Variants in ESR1 observed in about 807,000 individuals in gnomAD.
ESR1 encodes estrogen receptor 1, also known as estrogen receptor.
ESR1 carries 12 observed loss-of-function variants against 52.7 expected under a neutral mutation model. The observed-to-expected ratio is 0.23, with a 90% CI of 0.15 to 0.37. The LOEUF (loss-of-function observed/expected upper bound fraction) is 0.37, where lower values mean the gene tolerates loss of function less well. ESR1 is among the 10% of genes least tolerant of loss of function. ESR1 has a pLI of 1.00. For synonymous variants in ESR1, 305 were observed against 316.8 expected (o/e 0.96, Z 0.39); for missense variants, 584 against 779.7 (o/e 0.75, Z 2.99).
chr6:151,750,240 C>T (rs947656615), intron 2 of ESR1, among the ~76,000 whole-genome samples: 2 of 152,122 alleles, frequency 1.3e-5, no homozygotes, highest in Non-Finnish European at 2.9e-5. Flanking sequence ...TCTTTTTGTA[C>T]ACTTGTGAGT....
intron 6 of ESR1, among the ~76,000 whole-genome samples, chr6:152,092,881 G>A (rs950723857): frequency 5.9e-5 from 9 of 152,134 alleles, no homozygotes; most frequent in Admixed American, 6.5e-5. Context: ...AGTTATAAGC[G>A]ACAGAAATCC....
At chr6:151,773,086 C>T (rs1333132646) in intron 2 of ESR1, among the ~76,000 whole-genome samples, 2 of 152,150 alleles carry the variant, frequency 1.3e-5, no homozygotes, top group African/African-American at 4.8e-5. Context: ...GGAATTAAAA[C>T]AAGGCCACTA....
At chr6:152,018,251 A>G (rs1009817775) in intron 5 of ESR1, among the ~76,000 whole-genome samples, 1 of 152,118 alleles carries the variant, frequency 6.6e-6, no homozygotes, top group African/African-American at 2.4e-5. Context: ...GTCATTCTCT[A>G]CAAACAAGAA....
At chr6:152,006,733 G>GA (rs991093606) in intron 4 of ESR1, among the ~76,000 whole-genome samples, 9 of 150,140 alleles carry the variant, frequency 6.0e-5, no homozygotes, top group South Asian at 4.2e-4. Flanking sequence ...AGCCAATACA[G>GA]AAAAAAAAAT....
Position 151,753,975 on chromosome 6 carries a change from A to G in ESR1, c.-71+51970A>G, listed in dbSNP as rs191979527. On this transcript the variant is annotated intron_variant, in intron 2 of 2. Coordinates refer to the ESR1 transcript ENST00000404742. The stretch of plus-strand genomic sequence containing the variant: ...TATGGTGCCCAAGATAAAATCGACT[A>G]TGATGATGCAGAATGAAGACCTGGA... 1.9e-3 allele frequency among the ~76,000 whole-genome samples: 285 copies of G among 152,320 alleles called. 1 individual carries two copies. Among genetic ancestry groups the G allele is most frequent in the African/African-American group, 6.4e-3 (268 of 41,570 alleles).
At chr6:151,752,606 T>C (rs1783986039) in intron 2 of ESR1, among the ~76,000 whole-genome samples, 1 of 152,096 alleles carries the variant, frequency 6.6e-6, no homozygotes, top group African/African-American at 2.4e-5. Flanking sequence ...AAAAATATGC[T>C]CTTTGACTTC....
In ESR1 at chr6:152,098,424, G is replaced by A. The variant is rs776087482; in HGVS notation, c.1554-308G>A. On this transcript the variant is annotated intron_variant, in intron 7 of 7. Transcript: ENST00000206249. This position sits in a 1 kb window ranked among gnomAD's most constrained non-coding sequence, Gnocchi z 5.1. ...GGAGGGGAATAGGATCTCATTTGAG[G>A]CCACGGAGGTCCATGGAAGTCACCT... Among the ~76,000 whole-genome samples, 4 of 151,998 alleles carry A rather than the reference G, an allele frequency of 2.6e-5. No homozygotes were observed. Among genetic ancestry groups the A allele is most frequent in the East Asian group, 1.9e-4 (1 of 5,162 alleles).
At chr6:151,780,560 A>G (rs560150101) in intron 2 of ESR1, among the ~76,000 whole-genome samples, 2 of 152,258 alleles carry the variant, frequency 1.3e-5, no homozygotes, top group African/African-American at 4.8e-5. Flanking sequence ...GGGCATGAAT[A>G]TTATTTAAAA....
At chr6:152,045,868 A>G (rs1344985286) in intron 5 of ESR1, among the ~76,000 whole-genome samples, 1 of 152,222 alleles carries the variant, frequency 6.6e-6, no homozygotes, top group Non-Finnish European at 1.5e-5. Context: ...CTTCTTGTGG[A>G]AGTTAGTAAG....
At chr6:151,957,818 AC>A (rs1261034960) in intron 4 of ESR1, among the ~76,000 whole-genome samples, 1 of 152,236 alleles carries the variant, frequency 6.6e-6, no homozygotes, top group Non-Finnish European at 1.5e-5. Context: ...CCTTGGCATA[AC>A]CAAGACAAAG....
intron 3 of ESR1, among the ~76,000 whole-genome samples, chr6:151,931,643 C>G (rs1014885554): frequency 1.4e-5 from 2 of 142,044 alleles, no homozygotes; most frequent in African/African-American, 5.3e-5. Context: ...TGATATTCCC[C>G]TTCCTGTGTC....
At chr6:152,001,241 G>T (rs111452652) in intron 4 of ESR1, among the ~76,000 whole-genome samples, 49 of 152,058 alleles carry the variant, frequency 3.2e-4, no homozygotes, top group African/African-American at 1.1e-3. Context: ...AATCCTAGAG[G>T]CTGGGAGGTT....
intron 5 of ESR1, among the ~76,000 whole-genome samples, chr6:152,030,025 C>T (rs2044536813): frequency 6.6e-6 from 1 of 152,186 alleles, no homozygotes; most frequent in Admixed American, 6.5e-5. Context: ...CCCAGAATCT[C>T]ATATCCAGCC....
At chr6:152,065,763 C>T (rs2047918438) in intron 6 of ESR1, among the ~76,000 whole-genome samples, 1 of 152,152 alleles carries the variant, frequency 6.6e-6, no homozygotes, top group Non-Finnish European at 1.5e-5. Flanking sequence ...GCTTCTGCAT[C>T]ACTGTTCACA....
At chr6:151,956,857 TATATAA>T (rs2037022077) in intron 4 of ESR1, among the ~76,000 whole-genome samples, 1 of 81,624 alleles carries the variant, frequency 1.2e-5, no homozygotes, top group African/African-American at 3.4e-5. Flanking sequence ...TATATATATA[TATATAA>T]ATATATATAT....
chr6:151,674,541 C>G (rs1356663520), intron 1 of ESR1, among the ~76,000 whole-genome samples: 1 of 152,138 alleles, frequency 6.6e-6, no homozygotes, highest in Admixed American at 6.5e-5. Flanking sequence ...TTAGTATATA[C>G]CCAGTAATGG....
chr6:151,683,374 T>C (rs1263889082), intron 1 of ESR1, among the ~76,000 whole-genome samples: 2 of 151,536 alleles, frequency 1.3e-5, no homozygotes, highest in African/African-American at 2.4e-5. Flanking sequence ...CAGGTCTCTT[T>C]GGATATTGGG....
intron 2 of ESR1, among the ~76,000 whole-genome samples, chr6:151,848,407 A>G: frequency 7.3e-6 from 1 of 137,022 alleles, no homozygotes; most frequent in African/African-American, 2.8e-5. Context: ...GCAGCGCACC[A>G]GCATGGCACA....
intron 2 of ESR1, among the ~76,000 whole-genome samples, chr6:151,753,670 C>A (rs1270031062): frequency 6.6e-6 from 1 of 152,106 alleles, no homozygotes; most frequent in Non-Finnish European, 1.5e-5. Context: ...TTTGGGTGCA[C>A]AGATATTGCC....
Sources: allele counts gnomAD v4.1 joint callset (sites outside exome capture counted in the v4.1 genomes callset), GRCh38; gene constraint gnomAD v4.1.1; non-coding constraint Gnocchi (gnomAD v3.1); transcripts MANE v1.5; gene names NCBI Gene and HGNC (gene_info 2026-07-23, HGNC 2026-07-21).